RUNX2: variants seen among roughly 807,000 people sequenced by gnomAD.
RUNX2 encodes runt-related transcription factor 2.
RUNX2 carries 10 observed loss-of-function variants against 51.7 expected under a neutral mutation model. The ratio of observed to expected loss-of-function variants is 0.19; its 90% confidence interval spans 0.12 to 0.33. The LOEUF is 0.33. RUNX2 is among the 10% of genes least tolerant of loss of function. RUNX2 has a pLI of 1.00. For synonymous variants in RUNX2, 276 were observed against 273.6 expected (o/e 1.01, Z -0.09); for missense variants, 562 against 691.3 (o/e 0.81, Z 2.10).
At chr6:45,532,251 G>A (rs1582214797) in intron 7 of RUNX2, among the ~76,000 whole-genome samples, 1 of 147,104 alleles carries the variant, frequency 6.8e-6, no homozygotes, top group African/African-American at 2.5e-5. Flanking sequence ...TAATGAATGG[G>A]GACCATTCTT....
chr6:45,389,246 A>G (rs717987), intron 2 of RUNX2, among the ~76,000 whole-genome samples: 19,259 of 152,264 alleles, frequency 0.13, 1,537 homozygotes, highest in East Asian at 0.3. Context: ...CATACCAATA[A>G]TAAAGTCATT....
At chr6:45,487,064 T>C (rs1278313130) in intron 5 of RUNX2, among the ~76,000 whole-genome samples, 1 of 152,234 alleles carries the variant, frequency 6.6e-6, no homozygotes, top group African/African-American at 2.4e-5. Context: ...ACCTTTTGAT[T>C]ATGCTTTCTT....
intron 6 of RUNX2, among the ~76,000 whole-genome samples, chr6:45,500,366 G>A (rs904909048): frequency 6.6e-6 from 1 of 152,168 alleles, no homozygotes; most frequent in Non-Finnish European, 1.5e-5. Flanking sequence ...CCAGTTAGAG[G>A]CATCAGATTC....
chr6:45,336,164 C>T (rs1788510819), intron 2 of RUNX2, among the ~76,000 whole-genome samples: 1 of 150,112 alleles, frequency 6.7e-6, no homozygotes, highest in African/African-American at 2.4e-5. Context: ...ATTTCTCTCT[C>T]TGTAATTTAG....
intron 5 of RUNX2, among the ~76,000 whole-genome samples, chr6:45,450,865 A>C (rs1481222693): frequency 6.6e-6 from 1 of 152,218 alleles, no homozygotes; most frequent in Non-Finnish European, 1.5e-5. Context: ...CTGGACTCAC[A>C]CACCCAAAAG....
chr6:45,445,764 G>T (rs996271955), intron 5 of RUNX2, among the ~76,000 whole-genome samples: 4 of 142,694 alleles, frequency 2.8e-5, no homozygotes, highest in African/African-American at 1.0e-4. Flanking sequence ...TAACTTAAGA[G>T]AATAATAACA....
chr6:45,419,757 G>A (rs1798139084), intron 2 of RUNX2, among the ~76,000 whole-genome samples: 1 of 152,216 alleles, frequency 6.6e-6, no homozygotes, highest in Admixed American at 6.5e-5. Context: ...CTTCCAGTTG[G>A]TCCGGTCTGG....
At chr6:45,413,114 A>G (rs910632854) in intron 2 of RUNX2, among the ~76,000 whole-genome samples, 1 of 152,220 alleles carries the variant, frequency 6.6e-6, no homozygotes, top group Non-Finnish European at 1.5e-5. Context: ...TTACTAAAGG[A>G]GAATCTAATT....
chr6:45,437,335 G>A (rs1031146501), intron 4 of RUNX2, among the ~76,000 whole-genome samples: 1 of 152,088 alleles, frequency 6.6e-6, no homozygotes, highest in Non-Finnish European at 1.5e-5. Flanking sequence ...GGGGAGGGGT[G>A]GACAGGGAGG....
chr6:45,438,980 G>T (rs1270321356), intron 5 of RUNX2, among the ~76,000 whole-genome samples: 2 of 152,138 alleles, frequency 1.3e-5, no homozygotes, highest in Non-Finnish European at 2.9e-5. Context: ...GGCATAGCTG[G>T]CAGAAGTACT....
At chr6:45,399,880 T>C (rs72862937) in intron 2 of RUNX2, among the ~76,000 whole-genome samples, 44,479 of 143,834 alleles carry the variant, frequency 0.31, 7,087 homozygotes, top group Non-Finnish European at 0.35. Flanking sequence ...TAATACATTC[T>C]TATTTTTAAA....
chr6:45,434,604 C>T (rs1372906114), intron 4 of RUNX2, among the ~76,000 whole-genome samples: 1 of 152,174 alleles, frequency 6.6e-6, no homozygotes, highest in Non-Finnish European at 1.5e-5. Flanking sequence ...ATCAGTGGAA[C>T]TTGCATTAAG....
At chr6:45,540,624 G>A (rs1270459766) in intron 7 of RUNX2, among the ~76,000 whole-genome samples, 1 of 152,154 alleles carries the variant, frequency 6.6e-6, no homozygotes, top group Non-Finnish European at 1.5e-5. Flanking sequence ...CAAGATGCTA[G>A]TTTCACTCTC....
At chr6:45,416,370 G>A (rs1798069305) in intron 2 of RUNX2, among the ~76,000 whole-genome samples, 1 of 152,114 alleles carries the variant, frequency 6.6e-6, no homozygotes. Context: ...ACAAATAATT[G>A]AAGTCACTGC....
At chr6:45,380,630 G>A (rs1490516855) in intron 2 of RUNX2, among the ~76,000 whole-genome samples, 1 of 152,194 alleles carries the variant, frequency 6.6e-6, no homozygotes. Context: ...AGGCTGGAGT[G>A]CAGTGGCCCG....
intron 5 of RUNX2, among the ~76,000 whole-genome samples, chr6:45,466,012 T>C (rs957051473): frequency 6.6e-6 from 1 of 152,070 alleles, no homozygotes; most frequent in Non-Finnish European, 1.5e-5. Flanking sequence ...AATCTTGAGA[T>C]GTTAAGAAAA....
intron 5 of RUNX2, among the ~76,000 whole-genome samples, chr6:45,474,338 T>C (rs1039883249): frequency 2.6e-5 from 4 of 151,858 alleles, no homozygotes; most frequent in African/African-American, 9.7e-5. Context: ...GGAAAAGATA[T>C]TAAACAATGG....
intron 7 of RUNX2, among the ~76,000 whole-genome samples, chr6:45,519,790 A>G (rs200290756): frequency 0.019 from 2,398 of 123,890 alleles, 29 homozygotes; most frequent in Admixed American, 0.053. Flanking sequence ...ATATATATAT[A>G]TGTGTGTGTG....
chr6:45,521,970 T>C (rs1211193105), intron 7 of RUNX2, among the ~76,000 whole-genome samples: 1 of 152,230 alleles, frequency 6.6e-6, no homozygotes, highest in African/African-American at 2.4e-5. Context: ...GCTGTTTTTT[T>C]GTAGATCCAA....
Sources: allele counts gnomAD v4.1 joint callset (sites outside exome capture counted in the v4.1 genomes callset), GRCh38; gene constraint gnomAD v4.1.1; transcripts MANE v1.5; gene names NCBI Gene and HGNC (gene_info 2026-07-23, HGNC 2026-07-21).